The following COP1 variants were observed in gnomAD, a reference collection of about 807,000 sequenced individuals.
COP1 encodes the protein COP1 E3 ubiquitin ligase, also known as E3 ubiquitin-protein ligase COP1.
Under a neutral mutation model 101.3 loss-of-function variants are expected in COP1, and 24 were observed. That is an observed-to-expected ratio of 0.24 (90% CI 0.17 to 0.33). The LOEUF is 0.33. Ranked by LOEUF, COP1 falls within the 10% of genes least tolerant of loss-of-function variation. The probability of loss-of-function intolerance (pLI) is 1.00; values close to 1 mark genes in which losing one functional copy is unlikely to be tolerated. For synonymous variants in COP1, 347 were observed against 341.9 expected, an observed-to-expected ratio of 1.01 and a Z score of -0.17; for missense variants, 663 against 906.2, an observed-to-expected ratio of 0.73 and a Z score of 3.45.
At chr1:176,001,372 C>T (rs893114263) in intron 15 of COP1, among the ~76,000 whole-genome samples, 5 of 151,970 alleles carry the variant, frequency 3.3e-5, no homozygotes, top group Non-Finnish European at 7.4e-5. Flanking sequence ...ACATTTTCAG[C>T]GATTGAGTAT....
chr1:176,096,799 C>T (rs549046484), intron 9 of COP1, among the ~76,000 whole-genome samples: 2 of 152,192 alleles, frequency 1.3e-5, no homozygotes, highest in African/African-American at 2.4e-5. Flanking sequence ...ATCTGGTCTG[C>T]TTTACATAAC....
At chr1:175,997,755 GC>G in intron 15 of COP1, among the ~76,000 whole-genome samples, 1 of 152,272 alleles carries the variant, frequency 6.6e-6, no homozygotes, top group African/African-American at 2.4e-5. Context: ...AACAACAGGT[GC>G]TGGAGAGGAT....
intron 9 of COP1, among the ~76,000 whole-genome samples, chr1:176,103,997 G>A (rs916163803): frequency 3.3e-5 from 5 of 152,114 alleles, no homozygotes; most frequent in Non-Finnish European, 7.4e-5. Flanking sequence ...GAGAAGCTAA[G>A]ATAGGGGAAG....
intron 6 of COP1, among the ~76,000 whole-genome samples, chr1:176,140,356 A>C (rs1386393374): frequency 6.6e-6 from 1 of 152,236 alleles, no homozygotes; most frequent in Non-Finnish European, 1.5e-5. Context: ...ATGCAAAACA[A>C]AATGATATAA....
intron 8 of COP1, among the ~76,000 whole-genome samples, chr1:176,127,675 GT>G (rs1688248709): frequency 6.6e-6 from 1 of 150,642 alleles, no homozygotes; most frequent in Non-Finnish European, 1.5e-5. Flanking sequence ...AAATACTTAG[GT>G]TGTTTGCATG....
At chr1:175,961,810 T>A (rs1651401041) in intron 18 of COP1, among the ~76,000 whole-genome samples, 1 of 150,616 alleles carries the variant, frequency 6.6e-6, no homozygotes, top group South Asian at 2.1e-4. Flanking sequence ...ACAGATTAGG[T>A]CACAAATGGA....
chr1:176,104,430 CAA>C (rs1013222343), intron 9 of COP1, among the ~76,000 whole-genome samples: 20 of 151,976 alleles, frequency 1.3e-4, no homozygotes, highest in African/African-American at 4.3e-4. Flanking sequence ...CCTAATATAA[CAA>C]AGTCTTATAA....
At chr1:176,068,239 CCTG>C (rs1676360701) in intron 11 of COP1, among the ~76,000 whole-genome samples, 1 of 152,162 alleles carries the variant, frequency 6.6e-6, no homozygotes. Flanking sequence ...TCTCTCCCTG[CCTG>C]CTTTCTTCCT....
intron 11 of COP1, among the ~76,000 whole-genome samples, chr1:176,063,562 C>T (rs1397641451): frequency 1.3e-5 from 2 of 152,128 alleles, no homozygotes; most frequent in African/African-American, 2.4e-5. Context: ...TATAACTCCA[C>T]AAGTTATCCA....
chr1:176,164,171 A>C (rs546073891), intron 3 of COP1, among the ~76,000 whole-genome samples: 1 of 152,202 alleles, frequency 6.6e-6, no homozygotes, highest in African/African-American at 2.4e-5. Context: ...ACTTGCTGAG[A>C]GAGAAATCCT....
chr1:176,179,391 T>C (rs1477735784), intron 2 of COP1, among the ~76,000 whole-genome samples: 1 of 151,908 alleles, frequency 6.6e-6, no homozygotes, highest in African/African-American at 2.4e-5. Context: ...TTAAAATAAA[T>C]GATAGAAAAT....
chr1:176,146,480 T>G (rs1051883433), intron 6 of COP1, among the ~76,000 whole-genome samples: 6 of 152,240 alleles, frequency 3.9e-5, no homozygotes, highest in Non-Finnish European at 1.5e-5. Flanking sequence ...ATGTGACTTC[T>G]GTCTTCAATA....
Position 176,002,854 on chromosome 1 carries a change from TCCTTTG to T in COP1, c.1730-13381_1730-13376del, listed in dbSNP as rs1369936672. On this transcript the variant is annotated intron_variant, in intron 15 of 19. Transcript: ENST00000367669. ...GTCTTTATAGCAGCATGATTTATAGTCCTTTGGGTATATACTCAGTAATGGGATGGC... is the reference window on the plus strand; with the variant it reads ...GTCTTTATAGCAGCATGATTTATAGTGGTATATACTCAGTAATGGGATGGC... 3.3e-5 allele frequency among the ~76,000 whole-genome samples: 5 copies of T among 151,744 alleles called. No individual in the cohort carries two copies. The South Asian group carries it at 1.0e-3, about 32-fold the overall frequency.
Position 175,989,345 on chromosome 1 carries a change from A to T in COP1, c.1847+17T>A. On this transcript the variant is annotated intron_variant, in intron 16 of 19. Coordinates refer to ENST00000367669, the MANE Select transcript of COP1 (RefSeq NM_022457.7). ...AGCTCTGTATTAAGCTCAACCTCTG[A>T]GGAGAGTAATACTCACGCAGAGACA... 7.7e-7 allele frequency: 1 copy of T among 1,290,946 alleles called. No individual in the cohort carries two copies. The highest frequency in any genetic ancestry group is 1.1e-6 in the Non-Finnish European group (1 of 885,202). 80.0% of individuals were successfully genotyped at this position (1,290,946 alleles called of 1,614,324 possible). A position where few individuals can be genotyped will look rare whatever the true frequency, so the allele number is the denominator to read the frequency against.
At chr1:176,139,883 C>A (rs1002892110) in intron 6 of COP1, among the ~76,000 whole-genome samples, 1 of 152,056 alleles carries the variant, frequency 6.6e-6, no homozygotes, top group Non-Finnish European at 1.5e-5. Context: ...GTCAATCATA[C>A]CCCAAATTTT....
chr1:176,179,216 G>C (rs1307005792), intron 2 of COP1, among the ~76,000 whole-genome samples: 1 of 151,716 alleles, frequency 6.6e-6, no homozygotes, highest in Non-Finnish European at 1.5e-5. Flanking sequence ...CTTGACCCTG[G>C]GGGGCAGAGG....
At chr1:176,201,689 TA>T (rs1192656134) in intron 1 of COP1, among the ~76,000 whole-genome samples, 1 of 152,230 alleles carries the variant, frequency 6.6e-6, no homozygotes, top group African/African-American at 2.4e-5. Context: ...CTCTACCATT[TA>T]ATTCACCCAT....
intron 15 of COP1, among the ~76,000 whole-genome samples, chr1:176,023,974 C>T (rs1239464273): frequency 6.6e-6 from 1 of 152,006 alleles, no homozygotes; most frequent in Admixed American, 6.6e-5. Flanking sequence ...AAGAAAACTA[C>T]AGGCCGGGCA....
At chr1:176,020,293 A>G (rs1240121065) in intron 15 of COP1, among the ~76,000 whole-genome samples, 1 of 150,796 alleles carries the variant, frequency 6.6e-6, no homozygotes, top group Non-Finnish European at 1.5e-5. Context: ...CCTGGGCGAC[A>G]AAGTGAGACT....
Sources: allele counts gnomAD v4.1 joint callset (sites outside exome capture counted in the v4.1 genomes callset), GRCh38; gene constraint gnomAD v4.1.1; transcripts MANE v1.5; gene names NCBI Gene and HGNC (gene_info 2026-07-23, HGNC 2026-07-21).